The following RAB5IF variants were observed in gnomAD, a reference collection of about 807,000 sequenced individuals.
The protein encoded by RAB5IF is RAB5 interacting factor.
RAB5IF carries 15 observed loss-of-function variants against 20.3 expected under a neutral mutation model. The ratio of observed to expected loss-of-function variants is 0.74; its 90% CI spans 0.50 to 1.14. The LOEUF is 1.14. Among genes scored for constraint, RAB5IF ranks in the 50% most tolerant of loss-of-function variants. RAB5IF has a pLI of 0.00. For missense variants in RAB5IF, 148 were observed against 159.5 expected, an observed-to-expected ratio of 0.93 and a Z score of 0.39; for synonymous variants, 67 against 63.7, an observed-to-expected ratio of 1.05 and a Z score of -0.25.
intron 3 of RAB5IF, among the ~76,000 whole-genome samples, chr20:36,609,944 C>G (rs1409082910): frequency 6.6e-6 from 1 of 152,104 alleles, no homozygotes; most frequent in Non-Finnish European, 1.5e-5. Flanking sequence ...AATCCAGGGC[C>G]CATCGTCAGC....
intron 3 of RAB5IF, among the ~76,000 whole-genome samples, chr20:36,611,693 C>T (rs941484229): frequency 1.3e-5 from 2 of 151,954 alleles, no homozygotes; most frequent in African/African-American, 2.4e-5. Flanking sequence ...CATTGGTAGT[C>T]GCAGCACCTG....
In RAB5IF at chr20:36,605,819, G is replaced by A. The variant is rs546806401; in HGVS notation, c.-133G>A. The A allele has an allele frequency of 8.9e-6, 4 of 451,636 alleles. No homozygotes were observed. Among genetic ancestry groups the A allele is most frequent in the Non-Finnish European group, 1.5e-5 (4 of 265,756 alleles). 28.0% of individuals were successfully genotyped at this position (451,636 alleles called of 1,614,324 possible). On this transcript the variant is annotated 5_prime_UTR_variant, in exon 1 of 4. Transcript: ENST00000344795. Reference sequence around the variant, plus strand: ...CCGGGTAGCTTGGCCAGGTTGTGAGGAACCGCAGCGCGCCGCAGGACCGGG... The same window carrying A: ...CCGGGTAGCTTGGCCAGGTTGTGAGAAACCGCAGCGCGCCGCAGGACCGGG...
At chr20:36,611,337 C>T (rs572894402) in intron 3 of RAB5IF, among the ~76,000 whole-genome samples, 1 of 151,750 alleles carries the variant, frequency 6.6e-6, no homozygotes, top group South Asian at 2.1e-4. Context: ...TGGCTCATGC[C>T]TGTAATTATA....
Position 36,605,980 on chromosome 20 carries a change from C to G in RAB5IF, c.29C>G (p.Pro10Arg). The change falls in exon 1 of 4, where the codon CCG becomes CGG. Residue 10 changes from proline to arginine, a missense_variant. Coordinates refer to ENST00000344795, the MANE Select transcript of RAB5IF (RefSeq NM_018840.5). MSGGRRKEEPPQPQLANGAL... is the reference protein window; with the variant it reads MSGGRRKEERPQPQLANGAL... ...AGCGGCGGGCGGCGGAAGGAGGAGCCGCCTCAGCCGCAGCTGGCCAACGGG... is the reference window on the plus strand; with the variant it reads ...AGCGGCGGGCGGCGGAAGGAGGAGCGGCCTCAGCCGCAGCTGGCCAACGGG... 1 of 1,518,472 alleles carries G rather than the reference C, an allele frequency of 6.6e-7. No individual in the cohort carries two copies. The highest frequency in any genetic ancestry group is 8.8e-7 in the Non-Finnish European group (1 of 1,130,194). 94.1% of individuals were successfully genotyped at this position (1,518,472 alleles called of 1,614,324 possible).
At chr20:36,607,646 T>C in intron 1 of RAB5IF, 69 bp from the exon 2 acceptor site, 4 of 1,582,220 alleles carry the variant, frequency 2.5e-6, no homozygotes, top group Non-Finnish European at 3.5e-6. Context: ...AAAGGTTTAA[T>C]ATTCTCCCCT....
At chr20:36,610,950 G>A (rs2039096952) in intron 3 of RAB5IF, among the ~76,000 whole-genome samples, 1 of 152,136 alleles carries the variant, frequency 6.6e-6, no homozygotes, top group Non-Finnish European at 1.5e-5. Context: ...GGAATCAGTG[G>A]TGATGTTTGC....
At chr20:36,606,874 C>T (rs751884157) in intron 1 of RAB5IF, among the ~76,000 whole-genome samples, 18 of 152,184 alleles carry the variant, frequency 1.2e-4, no homozygotes, top group Non-Finnish European at 2.2e-4. Flanking sequence ...TTCTGGGCTG[C>T]CGAAGTGGAT....
At chr20:36,606,251 C>G (rs888703640) in intron 1 of RAB5IF, among the ~76,000 whole-genome samples, 186 bp downstream of exon 1, 1 of 152,150 alleles carries the variant, frequency 6.6e-6, no homozygotes, top group Admixed American at 6.5e-5. Context: ...TGGAGCTCCC[C>G]GAAGGGTGGC....
At position 36,612,015 on chromosome 20, in the gene RAB5IF, T is replaced by C. The variant is rs1375535737; in HGVS notation, c.354T>C (p.Ile118=). 2 of 1,614,204 alleles carry C rather than the reference T, an allele frequency of 1.2e-6. No individual in the cohort carries two copies. The highest frequency in any genetic ancestry group is 1.1e-5 in the South Asian group (1 of 91,078). ...FMTSFALFMV[I]WIIFYTAIHY... ...AGTGCTTGTCTCCTCACTAGGTCAT[T>C]TGGATCATCTTTTACACTGCCATCC... Residue 118 remains isoleucine, a synonymous_variant, in exon 4 of 4, where the codon ATT becomes ATC. Transcript: ENST00000344795.
rs1447616386 is a variant in RAB5IF at position 36,607,819 on chromosome 20, G to A, written c.218+1G>A. On this transcript the variant is annotated splice_donor_variant, in intron 2 of 3. Transcript: ENST00000344795. LOFTEE classifies it high-confidence loss of function. ...TACGAGGGTTCTTGGGAATAGCAGG[G>A]TAAGTCTTGGGTATCTTATATTTTC... 6.2e-7 allele frequency: 1 copy of A among 1,613,708 alleles called. No individual in the cohort carries two copies. Among genetic ancestry groups the A allele is most frequent in the East Asian group, 2.2e-5 (1 of 44,850 alleles).
chr20:36,610,983 CCT>C (rs1291158873), intron 3 of RAB5IF, among the ~76,000 whole-genome samples: 1 of 151,810 alleles, frequency 6.6e-6, no homozygotes, highest in African/African-American at 2.4e-5. Flanking sequence ...ATACAGAAAG[CCT>C]CTCAACTGTA....
intron 2 of RAB5IF, among the ~76,000 whole-genome samples, chr20:36,608,523 G>T (rs553857244): frequency 6.6e-6 from 1 of 150,450 alleles, no homozygotes; most frequent in Non-Finnish European, 1.5e-5. Flanking sequence ...GGTATTATAG[G>T]CATGAGTCAG....
chr20:36,606,136 G>C (rs2038928463), intron 1 of RAB5IF, 71 bp downstream of exon 1: 6 of 973,790 alleles, frequency 6.2e-6, no homozygotes, highest in Non-Finnish European at 8.7e-6. Flanking sequence ...AGACTGGCGC[G>C]GGCCTGCCCT....
chr20:36,606,053 C>T lies in RAB5IF; in HGVS notation c.102C>T (p.Ala34=), dbSNP rs781576342. The change falls in exon 1 of 4, where the codon GCC becomes GCT. Residue 34 remains alanine, a synonymous_variant. Transcript: ENST00000344795. ...GTAAGGTGCTGCGGAGCGACGCGGC[C>T]TGGGAGGATAAGGTACGGTGGAGTC... ...VWSKVLRSDA[A]WEDKDEFLDV... 1.1e-4 allele frequency: 162 copies of T among 1,510,446 alleles called. No homozygotes were observed. The highest frequency in any genetic ancestry group is 1.8e-4 in the Middle Eastern group (1 of 5,576). 93.6% of individuals were successfully genotyped at this position (1,510,446 alleles called of 1,614,324 possible). A position where few individuals can be genotyped will look rare whatever the true frequency, so the allele number is the denominator to read the frequency against.
intron 2 of RAB5IF, among the ~76,000 whole-genome samples, chr20:36,609,201 ACGCACACACGCACACACG>A (rs1266910590): frequency 0.022 from 1,298 of 59,370 alleles, 338 homozygotes; most frequent in African/African-American, 0.032. Context: ...ACACGCACAC[ACGCACACACGCACACACG>A]CACACACACA....
intron 1 of RAB5IF, among the ~76,000 whole-genome samples, chr20:36,606,329 C>T (rs768259485): frequency 1.3e-5 from 2 of 152,210 alleles, no homozygotes; most frequent in Admixed American, 1.3e-4. Context: ...CATTCGCGGG[C>T]AGGGTTTGTG....
chr20:36,607,675 C>T, intron 1 of RAB5IF, 40 bp from the exon 2 acceptor site: 1 of 1,610,346 alleles, frequency 6.2e-7, no homozygotes, highest in East Asian at 2.2e-5. Context: ...CTTGTGGCAC[C>T]CACTCCAGAT....
At position 36,609,156 on chromosome 20, in the gene RAB5IF, T is replaced by TACATACATACATATATACACACACACAC; in HGVS notation, c.219-442_219-441insTACATACATATATACACACACACACACA. On this transcript the variant is annotated intron_variant, in intron 2 of 3. Coordinates refer to ENST00000344795, the MANE Select transcript of RAB5IF (RefSeq NM_018840.5). ...TTCAAGGGGCTTTGGAGAACTATAT[T>TACATACATACATATATACACACACACAC]ACACACACACACACACACACACACA... 7.0e-4 allele frequency among the ~76,000 whole-genome samples: 12 copies of TACATACATACATATATACACACACACAC among 17,064 alleles called. 1 individual carries two copies. The highest frequency in any genetic ancestry group is 7.9e-4 in the Non-Finnish European group (7 of 8,882). The allele number at this position is 17,064 out of a possible 152,430, so 11.2% of individuals were successfully genotyped here. A position where few individuals can be genotyped will look rare whatever the true frequency, so the allele number is the denominator to read the frequency against.
intron 1 of RAB5IF, 133 bp from the exon 2 acceptor site, chr20:36,607,582 A>G (rs2038964371): frequency 5.2e-6 from 5 of 963,286 alleles, no homozygotes; most frequent in Non-Finnish European, 7.7e-6. Context: ...GTGAAACAGG[A>G]AGCACATACT....
Sources: gnomAD v4.1 joint callset for allele counts (sites outside exome capture counted in the v4.1 genomes callset) on GRCh38, gnomAD v4.1.1 for gene constraint, MANE v1.5 for transcripts, NCBI Gene and HGNC (gene_info 2026-07-23, HGNC 2026-07-21) for gene names.